Variants in PINX1 observed in about 807,000 individuals in gnomAD.
The protein encoded by PINX1 is PIN2 (TERF1) interacting telomerase inhibitor 1.
In PINX1, 34 loss-of-function variants were observed where a neutral mutation model predicts 25.4. The ratio of observed to expected loss-of-function variants is 1.34; its 90% CI spans 1.02 to 1.78. PINX1 has a LOEUF of 1.78. Among genes scored for constraint, PINX1 ranks in the 40% most tolerant of loss-of-function variants. The pLI is 0.00. For missense variants in PINX1, 592 were observed against 404.9 expected (o/e 1.46, Z -3.97); for synonymous variants, 197 against 147.7 (o/e 1.33, Z -2.42).
Position 10,830,307 on chromosome 8 carries a change from C to G in PINX1, c.301+1358G>C, listed in dbSNP as rs1312313660. On this transcript the variant is annotated intron_variant, in intron 4 of 6. Transcript: ENST00000314787. ...AAAAATACCAACAAAGCACCTTTCC[C>G]TTCACACTGTTGGGCTCACTTCCAC... is the stretch of plus-strand genomic sequence containing the variant. Among the ~76,000 whole-genome samples the G allele has an allele frequency of 3.3e-5, 5 of 152,180 alleles. No homozygotes were observed. The East Asian group carries it at 9.6e-4, about 29-fold the overall frequency.
chr8:10,810,006 A>T (rs981194753), intron 6 of PINX1, among the ~76,000 whole-genome samples: 1 of 152,120 alleles, frequency 6.6e-6, no homozygotes, highest in African/African-American at 2.4e-5. Context: ...GAGAAGGGAG[A>T]GCCAGCCCAT....
rs116695738 is a variant in PINX1, at chr8:10,790,025, T to C, written c.472-24109A>G. Among the ~76,000 whole-genome samples the C allele has an allele frequency of 5.0e-3, 754 of 152,288 alleles. 4 individuals are homozygous for C. Among genetic ancestry groups the C allele is most frequent in the Admixed American group, 8.4e-3 (128 of 15,312 alleles). On this transcript the variant is annotated intron_variant, in intron 6 of 6. Coordinates refer to ENST00000314787, the MANE Select transcript of PINX1 (RefSeq NM_017884.6). ...GACAACTGCATTCAGGAGGCCAGGATGCTGTCACAGCCAAGCGGCAGGTCC... is the reference window on the plus strand; with the variant it reads ...GACAACTGCATTCAGGAGGCCAGGACGCTGTCACAGCCAAGCGGCAGGTCC...
chr8:10,765,947 T>G, intron 6 of PINX1, 31 bp from the exon 7 acceptor site: 3 of 1,604,020 alleles, frequency 1.9e-6, no homozygotes, highest in Non-Finnish European at 2.6e-6. Context: ...AAAAGGCAGG[T>G]AAGCATCAAC....
chr8:10,821,547 G>C (rs1230516559), intron 5 of PINX1, among the ~76,000 whole-genome samples: 2 of 152,122 alleles, frequency 1.3e-5, no homozygotes, highest in Non-Finnish European at 2.9e-5. Context: ...AGACCCAAAA[G>C]AAAACCTACT....
chr8:10,786,974 T>C (rs187430825), intron 6 of PINX1, among the ~76,000 whole-genome samples: 2 of 152,286 alleles, frequency 1.3e-5, no homozygotes, highest in African/African-American at 4.8e-5. Flanking sequence ...CAGTGAATTA[T>C]CTCATGAGGG....
At chr8:10,790,724 G>A (rs1442361918) in intron 6 of PINX1, among the ~76,000 whole-genome samples, 1 of 151,864 alleles carries the variant, frequency 6.6e-6, no homozygotes, top group Non-Finnish European at 1.5e-5. Flanking sequence ...CCTCAGTCTG[G>A]CCCCTCCTTG....
chr8:10,783,788 T>A (rs1801665231), intron 6 of PINX1, among the ~76,000 whole-genome samples: 1 of 152,208 alleles, frequency 6.6e-6, no homozygotes, highest in South Asian at 2.1e-4. Context: ...GTACTATTAC[T>A]CAGAACTATG....
At chr8:10,786,619 G>C (rs888165922) in intron 6 of PINX1, among the ~76,000 whole-genome samples, 2 of 152,196 alleles carry the variant, frequency 1.3e-5, no homozygotes, top group African/African-American at 4.8e-5. Flanking sequence ...GGTCAATGCA[G>C]GGGCACAAAG....
In PINX1 at chr8:10,794,321, A is replaced by C. The variant is rs184764093; in HGVS notation, c.471+25872T>G. The stretch of plus-strand genomic sequence containing the variant: ...CTTAAAATTTCAAATATTTCCGTTA[A>C]CCTACACAGAAAAGTAACTTTTGTT... On this transcript the variant is annotated intron_variant, in intron 6 of 6. Transcript: ENST00000314787. Among the ~76,000 whole-genome samples the C allele has an allele frequency of 5.6e-3, 855 of 152,342 alleles. 12 individuals are homozygous for C. The highest frequency in any genetic ancestry group is 0.02 in the African/African-American group (814 of 41,586).
intron 6 of PINX1, among the ~76,000 whole-genome samples, chr8:10,772,468 C>A (rs944621621): frequency 6.6e-6 from 1 of 152,230 alleles, no homozygotes; most frequent in Non-Finnish European, 1.5e-5. Flanking sequence ...TTCCATGTAA[C>A]TGAAAACACC....
chr8:10,787,749 G>A, intron 6 of PINX1: 1 of 453,884 alleles, frequency 2.2e-6, no homozygotes, highest in Non-Finnish European at 4.4e-6. Flanking sequence ...AAAGCCCACT[G>A]GGAAGGTGAA....
intron 5 of PINX1, among the ~76,000 whole-genome samples, chr8:10,823,918 A>G (rs1563232795): frequency 1.3e-5 from 2 of 152,172 alleles, no homozygotes; most frequent in African/African-American, 4.8e-5. Context: ...GTAGAGTAAA[A>G]TTTTAATCTT....
At chr8:10,784,991 G>A (rs1801702078) in intron 6 of PINX1, among the ~76,000 whole-genome samples, 1 of 152,172 alleles carries the variant, frequency 6.6e-6, no homozygotes, top group Non-Finnish European at 1.5e-5. Context: ...AGAATTAACA[G>A]AACCTTCAGA....
chr8:10,793,687 T>C (rs1435602362), intron 6 of PINX1, among the ~76,000 whole-genome samples: 1 of 152,050 alleles, frequency 6.6e-6, no homozygotes, highest in African/African-American at 2.4e-5. Flanking sequence ...TTAAAGGTCA[T>C]TAATTTCAAT....
chr8:10,798,008 A>G (rs1802143055), intron 6 of PINX1, among the ~76,000 whole-genome samples: 2 of 152,364 alleles, frequency 1.3e-5, no homozygotes, highest in South Asian at 4.1e-4. Context: ...CTTAAAGAAA[A>G]TAATGAAGTA....
intron 6 of PINX1, among the ~76,000 whole-genome samples, chr8:10,789,411 C>T (rs905177800): frequency 6.6e-6 from 1 of 152,242 alleles, no homozygotes; most frequent in Non-Finnish European, 1.5e-5. Context: ...CATCACTTCT[C>T]ACAGTTACCT....
chr8:10,777,912 A>C (rs1010742517), intron 6 of PINX1, among the ~76,000 whole-genome samples: 2 of 152,176 alleles, frequency 1.3e-5, no homozygotes, highest in African/African-American at 4.8e-5. Flanking sequence ...ACAGGCACGC[A>C]AGCCTCTATC....
At position 10,785,111 on chromosome 8, in the gene PINX1, G is replaced by A. The variant is rs143224651; in HGVS notation, c.472-19195C>T. 2.0e-5 allele frequency among the ~76,000 whole-genome samples: 3 copies of A among 152,264 alleles called. No individual in the cohort carries two copies. The East Asian group carries it at 5.8e-4, about 29-fold the overall frequency. ...TTAGAAAATTCCCATAACGTTTTAA[G>A]CTAGTTCAAGATTGTGTTTTAAACA... On this transcript the variant is annotated intron_variant, in intron 6 of 6. Coordinates refer to ENST00000314787, the MANE Select transcript of PINX1 (RefSeq NM_017884.6).
In PINX1 at chr8:10,765,113, T is replaced by C; in HGVS notation, c.*288A>G. ...ACACACGTGTGCACACTTACATGAA[T>C]GCATGTATTTGTAATGATTATAATT... On this transcript the variant is annotated 3_prime_UTR_variant, in exon 7 of 7. Coordinates refer to ENST00000314787, the MANE Select transcript of PINX1 (RefSeq NM_017884.6). 2.6e-6 allele frequency: 1 copy of C among 388,700 alleles called. No homozygotes were observed. Among genetic ancestry groups the C allele is most frequent in the Non-Finnish European group, 4.6e-6 (1 of 216,674 alleles). 24.1% of individuals were successfully genotyped at this position (388,700 alleles called of 1,614,324 possible).
Sources: allele counts gnomAD v4.1 joint callset (sites outside exome capture counted in the v4.1 genomes callset), GRCh38; gene constraint gnomAD v4.1.1; transcripts MANE v1.5; gene names NCBI Gene and HGNC (gene_info 2026-07-23, HGNC 2026-07-21).